ATP8B3: variants seen among roughly 807,000 people sequenced by gnomAD.
ATP8B3 encodes the protein phospholipid-transporting ATPase IK.
In ATP8B3, 141 loss-of-function variants were observed where a neutral mutation model predicts 140.9. The ratio of observed to expected loss-of-function variants is 1.00; its 90% CI spans 0.87 to 1.15. The LOEUF is 1.15. ATP8B3 is among the 50% of genes most tolerant of loss of function. ATP8B3 has a pLI of 0.00. For synonymous variants in ATP8B3, 765 were observed against 714.6 expected, an observed-to-expected ratio of 1.07 and a Z score of -1.13; for missense variants, 1,874 against 1,740.6, an observed-to-expected ratio of 1.08 and a Z score of -1.36.
chr19:1,782,671 C>T lies in ATP8B3; in HGVS notation c.*357G>A. 1 of 290,062 alleles carries T rather than the reference C, an allele frequency of 3.4e-6. No homozygotes were observed. Among genetic ancestry groups the T allele is most frequent in the Non-Finnish European group, 6.5e-6 (1 of 153,830 alleles). The allele number at this position is 290,062 out of a possible 1,614,324, so 18.0% of individuals were successfully genotyped here. Reference sequence around the variant, plus strand: ...AAAGAAATGACTGGCTCCCCAGAGGCTGTGGCTGGCTCTCAAATGACGACA... The same window carrying T: ...AAAGAAATGACTGGCTCCCCAGAGGTTGTGGCTGGCTCTCAAATGACGACA... On this transcript the variant is annotated 3_prime_UTR_variant, in exon 29 of 29. Coordinates refer to ENST00000310127, the MANE Select transcript of ATP8B3 (RefSeq NM_138813.4).
In ATP8B3 at chr19:1,794,935, C is replaced by G. The variant is rs1035184082; in HGVS notation, c.2055+940G>C. Among the ~76,000 whole-genome samples the G allele has an allele frequency of 2.6e-5, 4 of 152,204 alleles. No individual in the cohort carries two copies. The highest frequency in any genetic ancestry group is 9.7e-5 in the African/African-American group (4 of 41,448). On this transcript the variant is annotated intron_variant, in intron 18 of 28. Transcript: ENST00000310127. The surrounding 1 kb of genome is among the most constrained non-coding windows in gnomAD (Gnocchi z 4.8). ...TGTCCTGGCAGCTGGGCCAGCTCAA[C>G]CGCACGGTCGTCTTGTGCAAATGAG...
chr19:1,807,697 G>A lies in ATP8B3; in HGVS notation c.517-431C>T, dbSNP rs529861681. 2.6e-5 allele frequency among the ~76,000 whole-genome samples: 4 copies of A among 152,392 alleles called. No individual in the cohort carries two copies. Among genetic ancestry groups the A allele is most frequent in the Non-Finnish European group, 2.9e-5 (2 of 68,042 alleles). ...GTACTCCATTAATGCTGAATGACTC[G>A]ATGGATGAAAGGAGAACCTCTCCAT... On this transcript the variant is annotated intron_variant, in intron 5 of 28. Transcript: ENST00000310127. The surrounding 1 kb of genome is among the most constrained non-coding windows in gnomAD (Gnocchi z 5.9).
rs934449720 is a variant in ATP8B3 at position 1,790,789 on chromosome 19, C to A, written c.2346G>T (p.Glu782Asp). The A allele has an allele frequency of 6.2e-7, 1 of 1,606,462 alleles. No individual in the cohort carries two copies. The highest frequency in any genetic ancestry group is 1.1e-5 in the South Asian group (1 of 89,696). ...CCTTCTCCTCCAGAATGAGCATATT[C>A]TCTGACAGCAGCTCGCAGGCGAAGC... ...NIGFACELLS[E>D]NMLILEEKEI... is the part of the protein sequence containing the mutation. The change falls in exon 21 of 29, where the codon GAG (glutamate) becomes GAT (aspartate). Residue 782 changes from glutamate to aspartate, a missense_variant. This residue lies in a region of ATP8B3 where 840 missense variants were observed against 760.9 expected (regional missense o/e 1.10). Coordinates refer to ENST00000310127, the MANE Select transcript of ATP8B3 (RefSeq NM_138813.4).
chr19:1,807,335 C>A lies in ATP8B3; in HGVS notation c.517-69G>T. ...CCCGTCCCCTGCCCTTCCACCAAGC[C>A]GACCTAGCCCCGCACTCGACACCAC... On this transcript the variant is annotated intron_variant, in intron 5 of 28. Transcript: ENST00000310127. The surrounding 1 kb of genome is among the most constrained non-coding windows in gnomAD (Gnocchi z 5.9). 7.6e-7 allele frequency: 1 copy of A among 1,323,910 alleles called. No homozygotes were observed. The highest frequency in any genetic ancestry group is 1.7e-5 in the Admixed American group (1 of 57,698). The allele number at this position is 1,323,910 out of a possible 1,614,324, so 82.0% of individuals were successfully genotyped here.
rs113218001 is a variant in ATP8B3, at chr19:1,796,884, G to T, written c.1585-5C>A. On this transcript the variant is annotated splice_region_variant and splice_polypyrimidine_tract_variant and intron_variant, in intron 15 of 28. Coordinates refer to ENST00000310127, the MANE Select transcript of ATP8B3 (RefSeq NM_138813.4). ...GTTCCAGAGGTAGGGGTTCTCCTGG[G>T]GGTGGCGGGGGCACGGGCCGGCTGT... 11,569 of 1,611,156 alleles carry T rather than the reference G, an allele frequency of 7.2e-3. 717 individuals carry two copies. In the African/African-American group the frequency reaches 0.14, roughly 19 times the overall value.
rs931181655 is a variant in ATP8B3 at position 1,806,873 on chromosome 19, C to T, written c.616-184G>A. On this transcript the variant is annotated intron_variant, in intron 6 of 28. Coordinates refer to ENST00000310127, the MANE Select transcript of ATP8B3 (RefSeq NM_138813.4). The surrounding 1 kb of genome is among the most constrained non-coding windows in gnomAD (Gnocchi z 5.6). Reference sequence around the variant, plus strand: ...GGGCCACTGGACCCACTGCTATTGGCGGGGAGAAGACAGGCGTGCTGCCCA... The same window carrying T: ...GGGCCACTGGACCCACTGCTATTGGTGGGGAGAAGACAGGCGTGCTGCCCA... Among the ~76,000 whole-genome samples, 4 of 152,136 alleles carry T rather than the reference C, an allele frequency of 2.6e-5. No homozygotes were observed. The highest frequency in any genetic ancestry group is 1.9e-4 in the East Asian group (1 of 5,190).
chr19:1,799,785 C>A, intron 14 of ATP8B3, 162 bp downstream of exon 14: 1 of 725,788 alleles, frequency 1.4e-6, no homozygotes. Flanking sequence ...AAAAATTTTC[C>A]TGGCCCCCTC....
At chr19:1,802,186 C>A in intron 11 of ATP8B3, 142 bp from the exon 12 acceptor site, 1 of 503,532 alleles carries the variant, frequency 2.0e-6, no homozygotes, top group Non-Finnish European at 3.4e-6. Context: ...CACCCATCCA[C>A]CCCTCACCCA....
At chr19:1,810,932 G>A (rs1243249103) in intron 2 of ATP8B3, among the ~76,000 whole-genome samples, 7 of 152,024 alleles carry the variant, frequency 4.6e-5, no homozygotes, top group African/African-American at 1.4e-4. Flanking sequence ...AGTGTCCCCC[G>A]CCAGCCACCC....
chr19:1,803,896 CAAAAA>C (rs56937286), intron 10 of ATP8B3, among the ~76,000 whole-genome samples: 3 of 72,424 alleles, frequency 4.1e-5, no homozygotes, highest in African/African-American at 9.8e-5. Flanking sequence ...GACTCTGTCT[CAAAAA>C]AAAAAAAAAA....
intron 18 of ATP8B3, among the ~76,000 whole-genome samples, chr19:1,793,532 C>T (rs1002162783): frequency 2.6e-5 from 4 of 152,194 alleles, no homozygotes; most frequent in Non-Finnish European, 4.4e-5. Flanking sequence ...TGAGCCCCTT[C>T]CTTGGGCCCC....
Position 1,789,050 on chromosome 19 carries a change from G to C in ATP8B3, c.2916C>G (p.Leu972=). The C allele has an allele frequency of 5.6e-6, 9 of 1,605,698 alleles. No homozygotes were observed. The highest frequency in any genetic ancestry group is 1.1e-5 in the South Asian group (1 of 89,600). ...GGCGCTGCAGGAAGCAGAACTGGCC[G>C]AGCACGAAGTCGCTGTTCTGAACTG... ...MQAVQNSDFV[L]GQFCFLQRLL... is the part of the protein sequence containing the mutation. Residue 972 remains leucine, a synonymous_variant, in exon 24 of 29, where the codon CTC becomes CTG. Transcript: ENST00000310127.
chr19:1,805,911 A>G lies in ATP8B3; in HGVS notation c.798T>C (p.Tyr266=). 6.2e-7 allele frequency: 1 copy of G among 1,612,860 alleles called. No individual in the cohort carries two copies. The highest frequency in any genetic ancestry group is 8.5e-7 in the Non-Finnish European group (1 of 1,179,828). Reference sequence around the variant, plus strand: ...ACCCGTCAATGTCCACCGTCTCCACATAGCACAGGCTGCTGGGCTCCGTGC... The same window carrying G: ...ACCCGTCAATGTCCACCGTCTCCACGTAGCACAGGCTGCTGGGCTCCGTGC... ...LASTEPSSLC[Y]VETVDIDGET... Residue 266 remains tyrosine, a synonymous_variant, in exon 9 of 29, where the codon TAT becomes TAC. Transcript: ENST00000310127. The surrounding 1 kb of genome is among the most constrained non-coding windows in gnomAD (Gnocchi z 5.2).
Position 1,782,766 on chromosome 19 carries a change from T to A in ATP8B3, c.*262A>T. ...GACCTCTCCTTGGTCAACAGCAACTTCTCAGGAGAAGGTGGCCTCTGCTTG... is the reference window on the plus strand; with the variant it reads ...GACCTCTCCTTGGTCAACAGCAACTACTCAGGAGAAGGTGGCCTCTGCTTG... On this transcript the variant is annotated 3_prime_UTR_variant, in exon 29 of 29. Transcript: ENST00000310127. 2.0e-6 allele frequency: 1 copy of A among 498,558 alleles called. No individual in the cohort carries two copies. 30.9% of individuals were successfully genotyped at this position (498,558 alleles called of 1,614,324 possible).
chr19:1,790,022 G>A (rs747367504), intron 21 of ATP8B3, 33 bp from the exon 22 acceptor site: 2 of 1,519,536 alleles, frequency 1.3e-6, no homozygotes, highest in Middle Eastern at 2.2e-4. Flanking sequence ...GGGCAGGGGA[G>A]GGGGCGGGCT....
intron 14 of ATP8B3, among the ~76,000 whole-genome samples, chr19:1,798,332 C>T (rs2068742420): frequency 6.6e-6 from 1 of 151,990 alleles, no homozygotes; most frequent in Admixed American, 6.6e-5. Context: ...TAAATTAGAC[C>T]CGGGGCTGTC....
rs1212853673 is a variant in ATP8B3, at chr19:1,782,338, C to T, written c.*690G>A. On this transcript the variant is annotated 3_prime_UTR_variant, in exon 29 of 29. Coordinates refer to ENST00000310127, the MANE Select transcript of ATP8B3 (RefSeq NM_138813.4). ...CCTCCGCAGAGGGCAATGACTGCTCCTCTGGGGGCAAGGATAGCTGCTCCT... is the reference window on the plus strand; with the variant it reads ...CCTCCGCAGAGGGCAATGACTGCTCTTCTGGGGGCAAGGATAGCTGCTCCT... The T allele has an allele frequency of 1.3e-5, 4 of 306,888 alleles. No homozygotes were observed. Among genetic ancestry groups the T allele is most frequent in the Admixed American group, 5.2e-5 (1 of 19,058 alleles). 19.0% of individuals were successfully genotyped at this position (306,888 alleles called of 1,614,324 possible).
rs1391695729 is a variant in ATP8B3, at chr19:1,805,622, C to T, written c.822-166G>A. 6.6e-6 allele frequency among the ~76,000 whole-genome samples: 1 copy of T among 152,246 alleles called. No homozygotes were observed. Among genetic ancestry groups the T allele is most frequent in the East Asian group, 1.9e-4 (1 of 5,190 alleles). On this transcript the variant is annotated intron_variant, in intron 9 of 28. Transcript: ENST00000310127. The surrounding 1 kb of genome is among the most constrained non-coding windows in gnomAD (Gnocchi z 5.2). ...GAGAGGGAGAAGGCCTTGCCCAAGG[C>T]CACACAGCACATTTGCAAAGTGCTG...
intron 2 of ATP8B3, 94 bp from the exon 3 acceptor site, chr19:1,810,777 C>A: frequency 1.7e-6 from 2 of 1,178,724 alleles, no homozygotes; most frequent in South Asian, 2.9e-5. Context: ...AGGGGCCGAC[C>A]CTCTCAAATG....
Sources: gnomAD v4.1 joint callset for allele counts (sites outside exome capture counted in the v4.1 genomes callset) on GRCh38, gnomAD v4.1.1 for gene constraint, gnomAD v4.1.1 regional missense constraint, Gnocchi (gnomAD v3.1) non-coding constraint, MANE v1.5 for transcripts, NCBI Gene and HGNC (gene_info 2026-07-23, HGNC 2026-07-21) for gene names.